PSMD12: variants seen among roughly 807,000 people sequenced by gnomAD.
PSMD12 encodes proteasome 26S subunit, non-ATPase 12.
In PSMD12, 8 loss-of-function variants were observed where a neutral mutation model predicts 62.9. The observed-to-expected ratio is 0.13, with a 90% CI of 0.07 to 0.23. PSMD12 has a LOEUF of 0.23. PSMD12 is among the 10% of genes least tolerant of loss of function. PSMD12 has a pLI of 1.00. For missense variants in PSMD12, 424 were observed against 550.2 expected, an observed-to-expected ratio of 0.77 and a Z score of 2.29; for synonymous variants, 173 against 187.4, an observed-to-expected ratio of 0.92 and a Z score of 0.63.
chr17:67,359,222 G>C (rs984169328), intron 1 of PSMD12, among the ~76,000 whole-genome samples: 1 of 152,126 alleles, frequency 6.6e-6, no homozygotes, highest in African/African-American at 2.4e-5. Context: ...GGGCAAGGTA[G>C]CCTGTGCCTG....
intron 3 of PSMD12, among the ~76,000 whole-genome samples, chr17:67,356,310 G>C (rs2042070991): frequency 6.6e-6 from 1 of 151,822 alleles, no homozygotes; most frequent in African/African-American, 2.4e-5. Flanking sequence ...ATAAGAAAAT[G>C]AACTTTGGGA....
chr17:67,347,611 G>T, intron 5 of PSMD12, 126 bp from the exon 6 acceptor site: 2 of 868,102 alleles, frequency 2.3e-6, no homozygotes, highest in Non-Finnish European at 3.3e-6. Context: ...TATAGGGAGA[G>T]TGTTGACAAT....
At chr17:67,354,891 C>T (rs2042052594) in intron 3 of PSMD12, among the ~76,000 whole-genome samples, 1 of 151,824 alleles carries the variant, frequency 6.6e-6, no homozygotes, top group African/African-American at 2.4e-5. Flanking sequence ...TTGGGAGGCT[C>T]AGGCAGAAGA....
At chr17:67,355,089 GTTT>G (rs533603458) in intron 3 of PSMD12, among the ~76,000 whole-genome samples, 6 of 121,392 alleles carry the variant, frequency 4.9e-5, no homozygotes, top group Admixed American at 2.6e-4. Flanking sequence ...CATATTTTTG[GTTT>G]TTTTTTTTTT....
At chr17:67,342,320 G>A in intron 9 of PSMD12, 57 bp from the exon 10 acceptor site, 1 of 1,171,342 alleles carries the variant, frequency 8.5e-7, no homozygotes, top group African/African-American at 1.6e-5. Flanking sequence ...AAGTCTAAAA[G>A]TCCATTTATT....
chr17:67,355,089 G>GTTTTT (rs533603458), intron 3 of PSMD12, among the ~76,000 whole-genome samples: 4 of 121,392 alleles, frequency 3.3e-5, no homozygotes, highest in African/African-American at 6.0e-5. Flanking sequence ...CATATTTTTG[G>GTTTTT]TTTTTTTTTT....
chr17:67,346,404 GA>G (rs56153169), intron 7 of PSMD12, among the ~76,000 whole-genome samples: 28 of 143,700 alleles, frequency 1.9e-4, no homozygotes, highest in East Asian at 8.3e-4. Flanking sequence ...AAAAAAAAAA[GA>G]AAAAAAAAAA....
At chr17:67,347,671 TC>T (rs984057271) in intron 5 of PSMD12, among the ~76,000 whole-genome samples, 186 bp from the exon 6 acceptor site, 5 of 152,146 alleles carry the variant, frequency 3.3e-5, no homozygotes, top group African/African-American at 1.2e-4. Context: ...TAATGGATTT[TC>T]CCCCTTTTGG....
intron 5 of PSMD12, among the ~76,000 whole-genome samples, chr17:67,348,103 C>T (rs1225183374): frequency 1.3e-5 from 2 of 152,132 alleles, no homozygotes; most frequent in Admixed American, 6.6e-5. Flanking sequence ...ACTGGGTTTA[C>T]GTAAACATAA....
At chr17:67,361,400 G>A (rs1382311187) in intron 1 of PSMD12, 1 of 152,146 alleles carries the variant, frequency 6.6e-6, no homozygotes, top group Non-Finnish European at 1.5e-5. Flanking sequence ...TGGTCAACGT[G>A]GTGAAACCCC....
At chr17:67,342,332 T>C (rs1312597878) in intron 9 of PSMD12, 69 bp from the exon 10 acceptor site, 4 of 1,038,830 alleles carry the variant, frequency 3.9e-6, no homozygotes, top group Admixed American at 2.1e-5. Context: ...CCATTTATTT[T>C]CATATCCAAG....
intron 9 of PSMD12, among the ~76,000 whole-genome samples, chr17:67,343,472 G>A (rs752007673): frequency 9.9e-5 from 15 of 151,950 alleles, no homozygotes; most frequent in Non-Finnish European, 1.6e-4. Context: ...GACTTGGTGC[G>A]CAGGCTGCCC....
intron 3 of PSMD12, among the ~76,000 whole-genome samples, chr17:67,354,520 T>C (rs2042048969): frequency 6.6e-6 from 1 of 152,202 alleles, no homozygotes; most frequent in African/African-American, 2.4e-5. Context: ...GTCCTAATAC[T>C]ACATAAAACA....
At chr17:67,360,131 T>C (rs1280431850) in intron 1 of PSMD12, among the ~76,000 whole-genome samples, 1 of 152,154 alleles carries the variant, frequency 6.6e-6, no homozygotes, top group Admixed American at 6.5e-5. Context: ...ATCAAAGTCA[T>C]CTCTATGGTT....
chr17:67,347,974 T>C (rs1352609728), intron 5 of PSMD12, among the ~76,000 whole-genome samples: 3 of 152,270 alleles, frequency 2.0e-5, no homozygotes, highest in Non-Finnish European at 2.9e-5. Flanking sequence ...TTTACTTTTA[T>C]TGCTTAGTAG....
At chr17:67,360,821 G>C (rs774002612) in intron 1 of PSMD12, among the ~76,000 whole-genome samples, 27 of 152,148 alleles carry the variant, frequency 1.8e-4, no homozygotes, top group Admixed American at 4.6e-4. Context: ...AATGGCTTAC[G>C]ATTCCTGATT....
In PSMD12 at chr17:67,350,215, A is replaced by C. The variant is rs2042004647; in HGVS notation, c.405+14T>G. 7 of 1,559,876 alleles carry C rather than the reference A, an allele frequency of 4.5e-6. No homozygotes were observed. The highest frequency in any genetic ancestry group is 6.2e-6 in the Non-Finnish European group (7 of 1,137,972). ...AGTTCATATCATTTTGAGTTATGTC[A>C]ACAGAAAATTTACCTTGCCTTCGGT... is the stretch of plus-strand genomic sequence containing the variant. On this transcript the variant is annotated intron_variant, in intron 4 of 10. Coordinates refer to ENST00000356126, the MANE Select transcript of PSMD12 (RefSeq NM_002816.5).
intron 1 of PSMD12, among the ~76,000 whole-genome samples, chr17:67,365,438 G>C (rs1235477662): frequency 3.9e-5 from 6 of 152,142 alleles, no homozygotes; most frequent in Admixed American, 1.3e-4. Flanking sequence ...AAATGGCTTA[G>C]TGCATGTAAG....
intron 9 of PSMD12, 165 bp from the exon 10 acceptor site, chr17:67,342,428 A>C (rs944258063): frequency 2.0e-6 from 1 of 505,740 alleles, no homozygotes. Flanking sequence ...TTTCAATAAC[A>C]AAACTAAATA....
Sources: allele counts gnomAD v4.1 joint callset (sites outside exome capture counted in the v4.1 genomes callset), GRCh38; gene constraint gnomAD v4.1.1; transcripts MANE v1.5; gene names NCBI Gene and HGNC (gene_info 2026-07-23, HGNC 2026-07-21).